Variants in DEPTOR observed in about 807,000 individuals in gnomAD.
DEPTOR encodes the protein DEP domain-containing mTOR-interacting protein.
In DEPTOR, 41 loss-of-function variants were observed where a neutral mutation model predicts 41.6. The observed-to-expected ratio is 0.98, with a 90% CI of 0.77 to 1.28. The LOEUF (loss-of-function observed/expected upper bound fraction) is 1.28. Among genes scored for constraint, DEPTOR ranks in the 50% most tolerant of loss-of-function variants. The pLI is 0.00. For synonymous variants in DEPTOR, 195 were observed against 192.3 expected, an observed-to-expected ratio of 1.01 and a Z score of -0.12; for missense variants, 514 against 527.9, an observed-to-expected ratio of 0.97 and a Z score of 0.26.
At chr8:119,982,724 G>T (rs1351295962) in intron 4 of DEPTOR, among the ~76,000 whole-genome samples, 3 of 152,178 alleles carry the variant, frequency 2.0e-5, no homozygotes, top group Non-Finnish European at 4.4e-5. Flanking sequence ...CCTCATGTCT[G>T]CACTCTGGGC....
chr8:120,049,635 C>T lies in DEPTOR; in HGVS notation c.1161C>T (p.Thr387=), dbSNP rs182815619. 5.0e-6 allele frequency: 8 copies of T among 1,614,014 alleles called. No individual in the cohort carries two copies. The highest frequency in any genetic ancestry group is 4.0e-5 in the African/African-American group (3 of 75,018). ...GLNVLHVDYR[T]VSNLILTGPR... is the part of the protein sequence containing the mutation. ...ATGTCCTGCATGTAGACTACCGGAC[C>T]GTGAGCAATCTGATTCTGACGGGCC... Residue 387 remains threonine, a synonymous_variant, in exon 9 of 9, where the codon ACC becomes ACT. Coordinates refer to ENST00000286234, the MANE Select transcript of DEPTOR (RefSeq NM_022783.4).
Position 120,001,516 on chromosome 8 carries a change from T to TA in DEPTOR, c.605-9_605-8insA. On this transcript the variant is annotated splice_polypyrimidine_tract_variant and intron_variant, in intron 4 of 8. Transcript: ENST00000286234. ...AGTCCTCATTGGTTGTTTTTTTTTT[T>TA]CTCCCCAGTGTCCAACAAGCACCCA... The TA allele has an allele frequency of 6.3e-7, 1 of 1,587,226 alleles. No individual in the cohort carries two copies. The highest frequency in any genetic ancestry group is 1.7e-4 in the Middle Eastern group (1 of 5,860).
At chr8:119,972,970 G>A (rs559326509) in intron 4 of DEPTOR, among the ~76,000 whole-genome samples, 3 of 151,224 alleles carry the variant, frequency 2.0e-5, no homozygotes, top group Non-Finnish European at 2.9e-5. Flanking sequence ...ACGGAGTTTC[G>A]CTCTTGTTGC....
At chr8:119,883,078 A>G (rs968061871) in intron 1 of DEPTOR, among the ~76,000 whole-genome samples, 6 of 152,112 alleles carry the variant, frequency 3.9e-5, no homozygotes, top group African/African-American at 1.4e-4. Flanking sequence ...AGCTATTTTC[A>G]TCAGGGCTGG....
chr8:119,954,766 A>G (rs1187152379), intron 3 of DEPTOR, among the ~76,000 whole-genome samples: 1 of 152,172 alleles, frequency 6.6e-6, no homozygotes, highest in African/African-American at 2.4e-5. Flanking sequence ...AATCTGAGTC[A>G]GATATAGATC....
At chr8:119,963,532 A>G (rs111252774) in intron 3 of DEPTOR, among the ~76,000 whole-genome samples, 5,965 of 151,932 alleles carry the variant, frequency 0.039, 126 homozygotes, top group African/African-American at 0.064. Flanking sequence ...TGTATTTTTA[A>G]TAGAGATGGG....
At chr8:119,886,258 A>T (rs916100917) in intron 1 of DEPTOR, among the ~76,000 whole-genome samples, 1 of 152,168 alleles carries the variant, frequency 6.6e-6, no homozygotes, top group Admixed American at 6.5e-5. Flanking sequence ...GTAGAACAGG[A>T]ATGTCAGGCC....
At chr8:120,048,804 T>C (rs929079671) in intron 8 of DEPTOR, among the ~76,000 whole-genome samples, 1 of 152,194 alleles carries the variant, frequency 6.6e-6, no homozygotes, top group African/African-American at 2.4e-5. Context: ...TAGGCGTTTT[T>C]ACCTGTTGTA....
intron 8 of DEPTOR, among the ~76,000 whole-genome samples, chr8:120,034,542 G>T (rs761813515): frequency 2.1e-5 from 3 of 142,282 alleles, no homozygotes; most frequent in Non-Finnish European, 4.5e-5. Flanking sequence ...CCACCTCCCG[G>T]GTTCAAGCAA....
At position 119,949,742 on chromosome 8, in the gene DEPTOR, T is replaced by C. The variant is rs544911435; in HGVS notation, c.426-15490T>C. Among the ~76,000 whole-genome samples the C allele has an allele frequency of 2.6e-5, 4 of 152,226 alleles. No homozygotes were observed. In the East Asian group the frequency reaches 7.7e-4, roughly 29 times the overall value. ...TCACCCTGGCTGGAGTGCAGTGGCG[T>C]GATCTTGGCTGACTGCAACCTCCAC... On this transcript the variant is annotated intron_variant, in intron 3 of 8. Coordinates refer to ENST00000286234, the MANE Select transcript of DEPTOR (RefSeq NM_022783.4).
chr8:120,035,242 C>T (rs1397052510), intron 8 of DEPTOR, among the ~76,000 whole-genome samples: 2 of 152,020 alleles, frequency 1.3e-5, no homozygotes, highest in African/African-American at 2.4e-5. Context: ...ATCGCTTGAA[C>T]TTGGGAGGCA....
At chr8:119,950,589 C>T (rs67498247) in intron 3 of DEPTOR, among the ~76,000 whole-genome samples, 53,550 of 151,448 alleles carry the variant, frequency 0.35, 10,340 homozygotes, top group East Asian at 0.52. Flanking sequence ...CTAATCTTTT[C>T]TTTTCTTCTT....
intron 1 of DEPTOR, among the ~76,000 whole-genome samples, chr8:119,910,819 A>G (rs1427221122): frequency 2.0e-5 from 3 of 152,210 alleles, no homozygotes; most frequent in Non-Finnish European, 4.4e-5. Flanking sequence ...GTCTGCATTG[A>G]GTACCAAAGA....
At chr8:120,025,401 T>C (rs1209381078) in intron 8 of DEPTOR, among the ~76,000 whole-genome samples, 1 of 152,170 alleles carries the variant, frequency 6.6e-6, no homozygotes, top group Non-Finnish European at 1.5e-5. Context: ...GTTGGCATTC[T>C]AGTTACAGCT....
At chr8:119,959,810 T>A (rs1229221149) in intron 3 of DEPTOR, among the ~76,000 whole-genome samples, 1 of 152,160 alleles carries the variant, frequency 6.6e-6, no homozygotes, top group Non-Finnish European at 1.5e-5. Flanking sequence ...ATTACAGGTG[T>A]GAGCCTCTGT....
intron 1 of DEPTOR, among the ~76,000 whole-genome samples, chr8:119,898,727 TA>T (rs552676126): frequency 4.6e-3 from 578 of 126,552 alleles, no homozygotes; most frequent in African/African-American, 6.6e-3. Flanking sequence ...AAATAAAAAC[TA>T]AAAAAAAAAA....
Position 119,890,279 on chromosome 8 carries a change from TTTTG to T in DEPTOR, c.122+16330_122+16333del, listed in dbSNP as rs139843525. On this transcript the variant is annotated intron_variant, in intron 1 of 8. Coordinates refer to ENST00000286234, the MANE Select transcript of DEPTOR (RefSeq NM_022783.4). ...AAGGTGTCCATTGTTATATGAGTTT[TTTTG>T]TTTGTTTGTTTGTTTGTTGTTGTTG... 3.3e-3 allele frequency among the ~76,000 whole-genome samples: 500 copies of T among 150,308 alleles called. 2 individuals are homozygous for T. The highest frequency in any genetic ancestry group is 0.011 in the African/African-American group (466 of 40,738).
intron 8 of DEPTOR, among the ~76,000 whole-genome samples, chr8:120,024,953 C>T (rs2176751): frequency 0.64 from 97,901 of 151,900 alleles, 32,461 homozygotes; most frequent in Admixed American, 0.73. Context: ...TGTCATTGAC[C>T]GGAAAAAAAT....
At chr8:119,905,154 C>G (rs1395340640) in intron 1 of DEPTOR, among the ~76,000 whole-genome samples, 1 of 151,976 alleles carries the variant, frequency 6.6e-6, no homozygotes, top group Non-Finnish European at 1.5e-5. Context: ...ATGTGCCAGG[C>G]CCTGTGCTAG....
Sources: gnomAD v4.1 joint callset for allele counts (sites outside exome capture counted in the v4.1 genomes callset) on GRCh38, gnomAD v4.1.1 for gene constraint, MANE v1.5 for transcripts, NCBI Gene and HGNC (gene_info 2026-07-23, HGNC 2026-07-21) for gene names.